DOCK3: variants seen among roughly 807,000 people sequenced by gnomAD.
DOCK3 encodes dedicator of cytokinesis protein 3.
DOCK3 carries 60 observed loss-of-function variants against 265.6 expected under a neutral mutation model. The ratio of observed to expected loss-of-function variants is 0.23; its 90% CI spans 0.18 to 0.28. The LOEUF is 0.28. Among genes scored for constraint, DOCK3 ranks in the 10% least tolerant of loss-of-function variants. The pLI is 1.00. For missense variants in DOCK3, 1,981 were observed against 2,594.3 expected, an observed-to-expected ratio of 0.76 and a Z score of 5.14; for synonymous variants, 881 against 938.0, an observed-to-expected ratio of 0.94 and a Z score of 1.11.
intron 2 of DOCK3, among the ~76,000 whole-genome samples, chr3:50,795,828 C>A (rs2042741594): frequency 6.6e-6 from 1 of 152,154 alleles, no homozygotes; most frequent in South Asian, 2.1e-4. Flanking sequence ...GTGTGTTTTG[C>A]AGCTCTTTCA....
At chr3:51,036,600 T>C (rs2080277546) in intron 5 of DOCK3, among the ~76,000 whole-genome samples, 1 of 152,212 alleles carries the variant, frequency 6.6e-6, no homozygotes, top group African/African-American at 2.4e-5. Context: ...TACTATACCG[T>C]ACTCTGATGC....
intron 9 of DOCK3, among the ~76,000 whole-genome samples, chr3:51,141,457 T>C (rs912263795): frequency 1.3e-5 from 2 of 152,186 alleles, no homozygotes; most frequent in East Asian, 1.9e-4. Context: ...GTTTTAGCTC[T>C]TATATGTAGA....
chr3:51,074,200 T>A (rs2081978430), intron 6 of DOCK3, among the ~76,000 whole-genome samples: 2 of 152,334 alleles, frequency 1.3e-5, no homozygotes, highest in African/African-American at 2.4e-5. Flanking sequence ...AAAATTCTGA[T>A]GAGAGTTACA....
In DOCK3 at chr3:51,383,794, A is replaced by G. The variant is rs1315083032; in HGVS notation, c.*2235A>G. The G allele has an allele frequency of 6.6e-6, 1 of 152,628 alleles. No individual in the cohort carries two copies. The highest frequency in any genetic ancestry group is 1.5e-5 in the Non-Finnish European group (1 of 68,040). 9.5% of individuals were successfully genotyped at this position (152,628 alleles called of 1,614,324 possible). A position where few individuals can be genotyped will look rare whatever the true frequency, so the allele number is the denominator to read the frequency against. On this transcript the variant is annotated 3_prime_UTR_variant, in exon 53 of 53. Coordinates refer to ENST00000266037, the MANE Select transcript of DOCK3 (RefSeq NM_004947.5). ...TTTCATTCTTTCAAGCTTATTTGTAAATACCTATTTGAATGCTGTGTATTT... is the reference window on the plus strand; with the variant it reads ...TTTCATTCTTTCAAGCTTATTTGTAGATACCTATTTGAATGCTGTGTATTT...
chr3:50,943,755 A>G (rs1429791793), intron 5 of DOCK3, among the ~76,000 whole-genome samples: 1 of 152,140 alleles, frequency 6.6e-6, no homozygotes, highest in Non-Finnish European at 1.5e-5. Context: ...TTAATTTGCT[A>G]CGTTTACCTT....
At chr3:50,984,724 G>A (rs1224546855) in intron 5 of DOCK3, among the ~76,000 whole-genome samples, 1 of 152,138 alleles carries the variant, frequency 6.6e-6, no homozygotes, top group African/African-American at 2.4e-5. Flanking sequence ...TGTATAGTTG[G>A]CCTCTGTATT....
At chr3:51,198,685 T>C (rs2088484089) in intron 12 of DOCK3, among the ~76,000 whole-genome samples, 1 of 152,080 alleles carries the variant, frequency 6.6e-6, no homozygotes, top group African/African-American at 2.4e-5. Context: ...TTGCTCTTTA[T>C]ACGAATTCAA....
intron 5 of DOCK3, among the ~76,000 whole-genome samples, chr3:50,959,446 C>A (rs775280408): frequency 6.6e-6 from 1 of 151,656 alleles, no homozygotes; most frequent in African/African-American, 2.4e-5. Flanking sequence ...TACACTTATT[C>A]TCCCTGTATA....
chr3:51,212,307 ACATCTT>A (rs1419206951), intron 13 of DOCK3, among the ~76,000 whole-genome samples: 2 of 152,190 alleles, frequency 1.3e-5, no homozygotes, highest in African/African-American at 4.8e-5. Context: ...CCTTTAGTGA[ACATCTT>A]CATGAGTTTC....
intron 5 of DOCK3, among the ~76,000 whole-genome samples, chr3:51,061,566 G>T (rs1235266702): frequency 6.6e-6 from 1 of 151,902 alleles, no homozygotes; most frequent in African/African-American, 2.4e-5. Context: ...CTGATGTGGG[G>T]TGGGGAGAGG....
At chr3:50,816,558 T>C (rs1166004838) in intron 2 of DOCK3, among the ~76,000 whole-genome samples, 1 of 152,036 alleles carries the variant, frequency 6.6e-6, no homozygotes, top group Non-Finnish European at 1.5e-5. Flanking sequence ...TGACCTCAGG[T>C]GATCTGCCCG....
intron 2 of DOCK3, among the ~76,000 whole-genome samples, chr3:50,791,254 CTA>C (rs2042460905): frequency 7.8e-6 from 1 of 128,096 alleles, no homozygotes; most frequent in Non-Finnish European, 1.6e-5. Flanking sequence ...AGTGTTAAAT[CTA>C]TCTTTTTTTT....
At chr3:50,986,895 A>G (rs1254803370) in intron 5 of DOCK3, among the ~76,000 whole-genome samples, 1 of 152,212 alleles carries the variant, frequency 6.6e-6, no homozygotes, top group African/African-American at 2.4e-5. Context: ...TCATTTATGA[A>G]AGCAGCGTGC....
In DOCK3 at chr3:51,381,591, A is replaced by G. The variant is rs1553618873; in HGVS notation, c.*32A>G. 2 of 1,465,986 alleles carry G rather than the reference A, an allele frequency of 1.4e-6. No homozygotes were observed. The highest frequency in any genetic ancestry group is 1.8e-6 in the Non-Finnish European group (2 of 1,113,280). 90.8% of individuals were successfully genotyped at this position (1,465,986 alleles called of 1,614,324 possible). On this transcript the variant is annotated 3_prime_UTR_variant, in exon 53 of 53. Coordinates refer to ENST00000266037, the MANE Select transcript of DOCK3 (RefSeq NM_004947.5). The surrounding 1 kb of genome is among the most constrained non-coding windows in gnomAD (Gnocchi z 5.6). Reference sequence around the variant, plus strand: ...ACGAGGCGGCTGGGATGCCGCCCTCAGTAAGCAGCTTGCCAATCACTCCAG... The same window carrying G: ...ACGAGGCGGCTGGGATGCCGCCCTCGGTAAGCAGCTTGCCAATCACTCCAG...
At chr3:51,073,492 T>C (rs2081957583) in intron 6 of DOCK3, among the ~76,000 whole-genome samples, 1 of 152,222 alleles carries the variant, frequency 6.6e-6, no homozygotes, top group South Asian at 2.1e-4. Context: ...AGTGTTTCTT[T>C]GATATAAGAA....
At chr3:50,969,872 C>G (rs967967799) in intron 5 of DOCK3, among the ~76,000 whole-genome samples, 2 of 152,150 alleles carry the variant, frequency 1.3e-5, no homozygotes, top group African/African-American at 4.8e-5. Flanking sequence ...GAGATCAAGA[C>G]CATCTGGCTA....
intron 12 of DOCK3, among the ~76,000 whole-genome samples, chr3:51,201,369 G>A (rs2108010875): frequency 6.6e-6 from 1 of 152,094 alleles, no homozygotes. Flanking sequence ...GGAAGGGGTT[G>A]CAATCCTAGT....
At chr3:51,310,172 C>G (rs1461380657) in intron 27 of DOCK3, 60 bp from the exon 28 acceptor site, 7 of 1,362,366 alleles carry the variant, frequency 5.1e-6, no homozygotes, top group Non-Finnish European at 7.2e-6. Context: ...CAGGAGTGGC[C>G]TATTGAGGAG....
At position 51,312,476 on chromosome 3, in the gene DOCK3, G is replaced by C. The variant is rs1199326046; in HGVS notation, c.3094G>C (p.Val1032Leu). The change falls in exon 30 of 53, where the codon GTG (valine) becomes CTG (leucine). Residue 1032 changes from valine to leucine, a missense_variant and splice_region_variant. Transcript: ENST00000266037. ...NFTETDFDFK[V>L]WNSYFSLAVL... Reference sequence around the variant, plus strand: ...ATTTTCTCTTTCTCTGTCTGTCTAGGTGTGGAATTCTTACTTTAGCCTGGC... The same window carrying C: ...ATTTTCTCTTTCTCTGTCTGTCTAGCTGTGGAATTCTTACTTTAGCCTGGC... 2 of 1,612,828 alleles carry C rather than the reference G, an allele frequency of 1.2e-6. No individual in the cohort carries two copies. The highest frequency in any genetic ancestry group is 1.6e-4 in the Middle Eastern group (1 of 6,076).
Sources: gnomAD v4.1 joint callset for allele counts (sites outside exome capture counted in the v4.1 genomes callset) on GRCh38, gnomAD v4.1.1 for gene constraint, Gnocchi (gnomAD v3.1) non-coding constraint, MANE v1.5 for transcripts, NCBI Gene and HGNC (gene_info 2026-07-23, HGNC 2026-07-21) for gene names.